MS4A7: variants seen among roughly 807,000 people sequenced by gnomAD.
The protein encoded by MS4A7 is membrane spanning 4-domains A7, also known as membrane-spanning 4-domains subfamily A member 7.
Under a neutral mutation model 23.5 loss-of-function variants are expected in MS4A7, and 21 were observed. That is an observed-to-expected ratio of 0.89 (90% CI 0.63 to 1.29). MS4A7 has a LOEUF of 1.29. MS4A7 is among the 50% of genes most tolerant of loss of function. MS4A7 has a pLI of 0.00. For missense variants in MS4A7, 263 were observed against 274.2 expected (o/e 0.96, Z 0.29); for synonymous variants, 111 against 107.4 (o/e 1.03, Z -0.21).
intron 1 of MS4A7, among the ~76,000 whole-genome samples, chr11:60,380,818 C>T (rs555908327): frequency 6.6e-6 from 1 of 152,246 alleles, no homozygotes; most frequent in South Asian, 2.1e-4. Flanking sequence ...TGAGTGGCAG[C>T]CAATGCTTCA....
chr11:60,389,215 A>G (rs1369340477), intron 4 of MS4A7, 175 bp from the exon 5 acceptor site: 1 of 593,622 alleles, frequency 1.7e-6, no homozygotes, highest in Non-Finnish European at 3.0e-6. Flanking sequence ...ATATCACATG[A>G]TTAACTAAAT....
chr11:60,383,125 C>T lies in MS4A7; in HGVS notation c.-13-4C>T. On this transcript the variant is annotated splice_region_variant and splice_polypyrimidine_tract_variant and intron_variant, in intron 1 of 6. Transcript: ENST00000300184. ...AAGTAACTGAGTTTTGATGCCTCTT[C>T]CAGCATCATCAGCATCATGCTATTA... The T allele has an allele frequency of 6.2e-7, 1 of 1,610,864 alleles. No individual in the cohort carries two copies. The highest frequency in any genetic ancestry group is 1.1e-5 in the South Asian group (1 of 90,422).
In MS4A7 at chr11:60,385,199, T is replaced by A. The variant is rs776482306; in HGVS notation, c.259T>A (p.Tyr87Asn). ...AATTTCCACCACTTTGATGTCTGGGTACCCATTTTTAGGAGCTCTGTGTGT... is the reference window on the plus strand; with the variant it reads ...AATTTCCACCACTTTGATGTCTGGGAACCCATTTTTAGGAGCTCTGTGTGT... ...PAISTTLMSGYPFLGALCFGI... is the reference protein window; with the variant it reads ...PAISTTLMSGNPFLGALCFGI... The change falls in exon 3 of 7, where the codon TAC (tyrosine) becomes AAC (asparagine). Residue 87 changes from tyrosine to asparagine, a missense_variant. Tyr to Asn is a moderately radical substitution (Grantham distance 143). Transcript: ENST00000300184. 6.2e-7 allele frequency: 1 copy of A among 1,614,180 alleles called. No individual in the cohort carries two copies. Among genetic ancestry groups the A allele is most frequent in the Non-Finnish European group, 8.5e-7 (1 of 1,180,010 alleles).
intron 1 of MS4A7, among the ~76,000 whole-genome samples, chr11:60,379,258 T>C (rs12793769): frequency 4.9e-4 from 75 of 152,354 alleles, no homozygotes; most frequent in Non-Finnish European, 9.1e-4. Flanking sequence ...TCAAGTGTCA[T>C]AGATTTAAAT....
At chr11:60,390,175 T>C (rs903283257) in intron 5 of MS4A7, among the ~76,000 whole-genome samples, 2 of 152,094 alleles carry the variant, frequency 1.3e-5, no homozygotes, top group Non-Finnish European at 2.9e-5. Context: ...TGTACTTTGG[T>C]CTAACAGGGC....
intron 4 of MS4A7, 47 bp downstream of exon 4, chr11:60,386,820 C>T (rs375753797): frequency 1.0e-4 from 144 of 1,416,622 alleles, no homozygotes; most frequent in Middle Eastern, 1.8e-4. Flanking sequence ...ATTGAAGGAA[C>T]GTCAGAGTTA....
At chr11:60,391,952 G>GA (rs3042727) in intron 5 of MS4A7, among the ~76,000 whole-genome samples, 208 of 137,612 alleles carry the variant, frequency 1.5e-3, no homozygotes, top group Middle Eastern at 7.3e-3. Context: ...AACCAAAATG[G>GA]AAAAAAAAAA....
At chr11:60,392,570 A>AT (rs1264468715) in intron 5 of MS4A7, 115 bp from the exon 6 acceptor site, 1 of 703,030 alleles carries the variant, frequency 1.4e-6, no homozygotes, top group Non-Finnish European at 2.4e-6. Context: ...GGATTAAGCA[A>AT]TTTTCCCTGT....
At chr11:60,381,913 C>G (rs2085434030) in intron 1 of MS4A7, among the ~76,000 whole-genome samples, 1 of 152,142 alleles carries the variant, frequency 6.6e-6, no homozygotes, top group Non-Finnish European at 1.5e-5. Context: ...CCATCTCCCT[C>G]ACTAGGAAGA....
intron 4 of MS4A7, 76 bp downstream of exon 4, chr11:60,386,849 T>C: frequency 8.0e-7 from 1 of 1,252,582 alleles, no homozygotes; most frequent in Non-Finnish European, 1.1e-6. Context: ...AGTTTAAAAA[T>C]CCCTATTTTA....
rs760678850 is a variant in MS4A7 at position 60,383,260 on chromosome 11, G to A, written c.119G>A (p.Gly40Glu). The A allele has an allele frequency of 6.2e-7, 1 of 1,614,074 alleles. No individual in the cohort carries two copies. ...CAAAACGAAGATTACCTGCAGAACG[G>A]GCTGCCAACAGAAACCACCGTTCTT... ...MYQNEDYLQN[G>E]LPTETTVLGT... The change falls in exon 2 of 7, where the codon GGG (glycine) becomes GAG (glutamate). Residue 40 changes from glycine (G) to glutamate (E), a missense_variant. Coordinates refer to ENST00000300184, the MANE Select transcript of MS4A7 (RefSeq NM_021201.5).
At position 60,392,685 on chromosome 11, in the gene MS4A7, G is replaced by A. The variant is rs2085565919; in HGVS notation, c.547G>A (p.Gly183Ser). 4 of 1,612,278 alleles carry A rather than the reference G, an allele frequency of 2.5e-6. No homozygotes were observed. Among genetic ancestry groups the A allele is most frequent in the Non-Finnish European group, 3.4e-6 (4 of 1,178,944 alleles). Residue 183 changes from glycine (G) to serine (S), a missense_variant and splice_region_variant, in exon 6 of 7, where the codon GGT becomes AGT. By Grantham distance (56) the Gly-to-Ser change is moderately conservative. Transcript: ENST00000300184. Reference sequence around the variant, plus strand: ...CAGCCATTCATGTCCTGATTTGCAGGGTGTCCTAGTGGTGATGCTCATCTT... The same window carrying A: ...CAGCCATTCATGTCCTGATTTGCAGAGTGTCCTAGTGGTGATGCTCATCTT... The part of the protein sequence containing the change: ...DCLLTSVSLT[G>S]VLVVMLIFTV...
In MS4A7 at chr11:60,378,616, G is replaced by A. The variant is rs1200862033; in HGVS notation, c.-62G>A. ...AGGTTCCAGCTGAGCGCTCCCCAGA[G>A]GTGAGCTGATCCCCAGCCACAGCAC... On this transcript the variant is annotated 5_prime_UTR_variant, in exon 1 of 7. Transcript: ENST00000300184. 1 of 152,264 alleles carries A rather than the reference G, an allele frequency of 6.6e-6. No individual in the cohort carries two copies. Among genetic ancestry groups the A allele is most frequent in the African/African-American group, 2.4e-5 (1 of 41,452 alleles). The allele number at this position is 152,264 out of a possible 1,614,324, so 9.4% of individuals were successfully genotyped here. A position where few individuals can be genotyped will look rare whatever the true frequency, so the allele number is the denominator to read the frequency against.
At chr11:60,392,596 T>C (rs1372960610) in intron 5 of MS4A7, 89 bp from the exon 6 acceptor site, 3 of 904,784 alleles carry the variant, frequency 3.3e-6, no homozygotes, top group South Asian at 1.5e-5. Flanking sequence ...TTTCTCTGCA[T>C]TGCTGGAGCC....
At position 60,389,370 on chromosome 11, in the gene MS4A7, A is replaced by G. The variant is rs112876842; in HGVS notation, c.340-20A>G. The G allele has an allele frequency of 1.1e-4, 176 of 1,591,520 alleles. 3 individuals carry two copies. The African/African-American group carries it at 1.8e-3, about 16-fold the overall frequency. Reference sequence around the variant, plus strand: ...GTGCTGATTCTGTGATGAGAACCCAATGCAGAGTTTCTCTTCCAGGACCTG... The same window carrying G: ...GTGCTGATTCTGTGATGAGAACCCAGTGCAGAGTTTCTCTTCCAGGACCTG... On this transcript the variant is annotated intron_variant, in intron 4 of 6. Coordinates refer to ENST00000300184, the MANE Select transcript of MS4A7 (RefSeq NM_021201.5).
At chr11:60,386,869 G>A in intron 4 of MS4A7, 96 bp downstream of exon 4, 2 of 1,125,952 alleles carry the variant, frequency 1.8e-6, no homozygotes, top group Admixed American at 2.2e-5. Context: ...ACAATTTAGA[G>A]AGAAAAAGCT....
chr11:60,391,305 G>A (rs1048538190), intron 5 of MS4A7, among the ~76,000 whole-genome samples: 1 of 152,134 alleles, frequency 6.6e-6, no homozygotes, highest in Non-Finnish European at 1.5e-5. Flanking sequence ...AAAGCATTAA[G>A]TTAAAAACTG....
intron 3 of MS4A7, 127 bp from the exon 4 acceptor site, chr11:60,386,590 A>G: frequency 1.4e-6 from 1 of 701,166 alleles, no homozygotes; most frequent in Non-Finnish European, 2.5e-6. Flanking sequence ...TAGATCCACA[A>G]GATTTCTGCA....
chr11:60,393,480 A>G (rs2085575670), intron 6 of MS4A7, among the ~76,000 whole-genome samples: 1 of 152,160 alleles, frequency 6.6e-6, no homozygotes, highest in African/African-American at 2.4e-5. Context: ...GCTCTTCCTT[A>G]CATCCCCTTA....
Sources: allele counts gnomAD v4.1 joint callset (sites outside exome capture counted in the v4.1 genomes callset), GRCh38; gene constraint gnomAD v4.1.1; transcripts MANE v1.5; gene names NCBI Gene and HGNC (gene_info 2026-07-23, HGNC 2026-07-21).